The following KCNQ1 variants were observed in gnomAD, a reference collection of about 807,000 sequenced individuals.
KCNQ1 encodes the protein potassium voltage-gated channel subfamily Q member 1, also known as potassium voltage-gated channel subfamily KQT member 1.
In KCNQ1, 49 loss-of-function variants were observed where a neutral mutation model predicts 72.4. That is an observed-to-expected ratio of 0.68 (90% CI 0.54 to 0.86). The LOEUF (loss-of-function observed/expected upper bound fraction) is 0.86. Ranked by LOEUF, KCNQ1 falls within the 40% of genes least tolerant of loss-of-function variation. The pLI, the probability that KCNQ1 is intolerant of heterozygous loss-of-function variation, is 0.00. For synonymous variants in KCNQ1, 450 were observed against 412.6 expected (o/e 1.09, Z -1.10); for missense variants, 790 against 945.1 (o/e 0.84, Z 2.15).
At chr11:2,655,793 A>T in intron 10 of KCNQ1, 1 of 398,486 alleles carries the variant, frequency 2.5e-6, no homozygotes, top group Non-Finnish European at 4.4e-6. Context: ...TGGTGGAGAA[A>T]GCACGCCCCA....
rs546184864 is a variant in KCNQ1 at position 2,792,824 on chromosome 11, C to A, written c.1794+14787C>A. ...TGGCTTTGGCAGCATTGTTCTTGCA[C>A]GTTCAGGATTAGCCGAGTAAGGTGA... On this transcript the variant is annotated intron_variant, in intron 15 of 15. Transcript: ENST00000155840. Among the ~76,000 whole-genome samples, 3 of 152,322 alleles carry A rather than the reference C, an allele frequency of 2.0e-5. No individual in the cohort carries two copies. In the South Asian group the frequency reaches 6.2e-4, roughly 32 times the overall value.
Position 2,617,513 on chromosome 11 carries a change from A to C in KCNQ1, c.1393+28659A>C. 2.5e-6 allele frequency: 1 copy of C among 398,536 alleles called. No individual in the cohort carries two copies. Among genetic ancestry groups the C allele is most frequent in the Non-Finnish European group, 4.4e-6 (1 of 225,974 alleles). 24.7% of individuals were successfully genotyped at this position (398,536 alleles called of 1,614,324 possible). A position where few individuals can be genotyped will look rare whatever the true frequency, so the allele number is the denominator to read the frequency against. ...TATCGTGACTCATGCATATAATGCC[A>C]CAATGAATATAGGAGCGCAGATATC... is the stretch of plus-strand genomic sequence containing the variant. On this transcript the variant is annotated intron_variant, in intron 10 of 15. Transcript: ENST00000155840. The surrounding 1 kb of genome is among the most constrained non-coding windows in gnomAD (Gnocchi z 4.6).
Position 2,508,635 on chromosome 11 carries a change from A to C in KCNQ1, c.387-19293A>C, listed in dbSNP as rs1253975982. Among the ~76,000 whole-genome samples, 2 of 152,180 alleles carry C rather than the reference A, an allele frequency of 1.3e-5. No homozygotes were observed. Among genetic ancestry groups the C allele is most frequent in the Admixed American group, 1.3e-4 (2 of 15,282 alleles). On this transcript the variant is annotated intron_variant, in intron 1 of 15. Coordinates refer to ENST00000155840, the MANE Select transcript of KCNQ1 (RefSeq NM_000218.3). This position sits in a 1 kb window ranked among gnomAD's most constrained non-coding sequence, Gnocchi z 6.2. ...CTAGCAGGTGGGCTTCTCAGAGCACAGAGGGTGTGGGTGACCCAGATATCC... is the reference window on the plus strand; with the variant it reads ...CTAGCAGGTGGGCTTCTCAGAGCACCGAGGGTGTGGGTGACCCAGATATCC...
intron 6 of KCNQ1, among the ~76,000 whole-genome samples, chr11:2,577,574 C>T (rs1408071107): frequency 2.6e-5 from 4 of 152,182 alleles, no homozygotes; most frequent in African/African-American, 9.6e-5. Flanking sequence ...GAGGCCTGGC[C>T]CTCGTGAATT....
Position 2,617,563 on chromosome 11 carries a change from C to A in KCNQ1, c.1393+28709C>A, listed in dbSNP as rs1266127965. ...CTTTATGAGGTGGAGATTTCATTTT[C>A]TTTGGGAATATACCTAGAAGAGGGA... is the stretch of plus-strand genomic sequence containing the variant. On this transcript the variant is annotated intron_variant, in intron 10 of 15. Coordinates refer to ENST00000155840, the MANE Select transcript of KCNQ1 (RefSeq NM_000218.3). This position sits in a 1 kb window ranked among gnomAD's most constrained non-coding sequence, Gnocchi z 4.6. 4.8e-5 allele frequency: 19 copies of A among 398,274 alleles called. No individual in the cohort carries two copies. The highest frequency in any genetic ancestry group is 8.8e-5 in the Admixed American group (2 of 22,700). 24.7% of individuals were successfully genotyped at this position (398,274 alleles called of 1,614,324 possible).
At chr11:2,823,944 A>G (rs1847788710) in intron 15 of KCNQ1, among the ~76,000 whole-genome samples, 1 of 152,170 alleles carries the variant, frequency 6.6e-6, no homozygotes. Context: ...AAGTCGAGAA[A>G]CCATGTGGCC....
intron 15 of KCNQ1, among the ~76,000 whole-genome samples, chr11:2,801,790 T>C (rs545082897): frequency 2.6e-4 from 40 of 152,162 alleles, no homozygotes; most frequent in Non-Finnish European, 5.7e-4. Context: ...GAGAGCTTGT[T>C]GCGGGGGTGT....
rs565671052 is a variant in KCNQ1, at chr11:2,827,503, C to T, written c.1795-20264C>T. On this transcript the variant is annotated intron_variant, in intron 15 of 15. Transcript: ENST00000155840. The surrounding 1 kb of genome is among the most constrained non-coding windows in gnomAD (Gnocchi z 6.7). ...CCTACACAGAAGCGGCCCACGTCAT[C>T]CCCCTTTCTGTCCACCCGCCGGAAT... Among the ~76,000 whole-genome samples the T allele has an allele frequency of 6.6e-6, 1 of 152,234 alleles. No homozygotes were observed. Among genetic ancestry groups the T allele is most frequent in the East Asian group, 1.9e-4 (1 of 5,176 alleles).
chr11:2,552,278 T>C (rs1043971489), intron 2 of KCNQ1, among the ~76,000 whole-genome samples: 3 of 152,250 alleles, frequency 2.0e-5, no homozygotes, highest in African/African-American at 7.2e-5. Context: ...ATTTTATATA[T>C]GGTGACAGGT....
chr11:2,805,197 G>T (rs1433896113), intron 15 of KCNQ1, among the ~76,000 whole-genome samples: 1 of 152,186 alleles, frequency 6.6e-6, no homozygotes, highest in South Asian at 2.1e-4. Context: ...AGACGCAGGG[G>T]TGGTTCACAG....
chr11:2,696,960 A>T (rs1850687215), intron 11 of KCNQ1: 1 of 398,466 alleles, frequency 2.5e-6, no homozygotes, highest in Non-Finnish European at 4.4e-6. Flanking sequence ...TTAGTTGTTA[A>T]GTTCCTTAAT....
chr11:2,729,939 G>A (rs1845825028), intron 11 of KCNQ1, among the ~76,000 whole-genome samples: 1 of 152,168 alleles, frequency 6.6e-6, no homozygotes, highest in Admixed American at 6.5e-5. Context: ...ATGGTGTCAG[G>A]GCTAAGAGCA....
At chr11:2,705,402 G>A (rs1430138100) in intron 11 of KCNQ1, among the ~76,000 whole-genome samples, 2 of 152,192 alleles carry the variant, frequency 1.3e-5, no homozygotes, top group African/African-American at 4.8e-5. Flanking sequence ...CTCTCCCAGA[G>A]CCCCCACTTC....
chr11:2,805,053 GTGTC>G (rs1290888842), intron 15 of KCNQ1, among the ~76,000 whole-genome samples: 3 of 152,244 alleles, frequency 2.0e-5, no homozygotes, highest in Admixed American at 6.5e-5. Context: ...ACCAGGAAGA[GTGTC>G]TGGCCATCCC....
rs541068111 is a variant in KCNQ1, at chr11:2,550,003, G to A, written c.478-20625G>A. On this transcript the variant is annotated intron_variant, in intron 2 of 15. Coordinates refer to ENST00000155840, the MANE Select transcript of KCNQ1 (RefSeq NM_000218.3). The surrounding 1 kb of genome is among the most constrained non-coding windows in gnomAD (Gnocchi z 6.0). ...GACCCAGAGACGGGGAGGCCAGGGT[G>A]CAGGGGACTGTTTGGGCCTCGAGAG... 6.6e-6 allele frequency among the ~76,000 whole-genome samples: 1 copy of A among 152,356 alleles called. No individual in the cohort carries two copies. The highest frequency in any genetic ancestry group is 2.4e-5 in the African/African-American group (1 of 41,584).
rs1293277627 is a variant in KCNQ1, at chr11:2,566,631, GGGCCTCCTT to G, written c.478-3995_478-3987del. On this transcript the variant is annotated intron_variant, in intron 2 of 15. Coordinates refer to ENST00000155840, the MANE Select transcript of KCNQ1 (RefSeq NM_000218.3). This position sits in a 1 kb window ranked among gnomAD's most constrained non-coding sequence, Gnocchi z 6.7. ...TGAAGGAGAGTGACCAGGGTAGGAG[GGGCCTCCTT>G]GTCCCTTTGGTCTGTTTGTGGTCTC... 6.6e-6 allele frequency among the ~76,000 whole-genome samples: 1 copy of G among 152,112 alleles called. No homozygotes were observed. Among genetic ancestry groups the G allele is most frequent in the Non-Finnish European group, 1.5e-5 (1 of 68,018 alleles).
intron 1 of KCNQ1, among the ~76,000 whole-genome samples, chr11:2,466,602 CG>C (rs1445765332): frequency 6.6e-6 from 1 of 152,172 alleles, no homozygotes; most frequent in Non-Finnish European, 1.5e-5. Context: ...CAGCCTTGCC[CG>C]GGGGCACAGC....
Position 2,651,350 on chromosome 11 carries a change from G to A in KCNQ1, c.1394-10611G>A, listed in dbSNP as rs1849754081. On this transcript the variant is annotated intron_variant, in intron 10 of 15. Coordinates refer to ENST00000155840, the MANE Select transcript of KCNQ1 (RefSeq NM_000218.3). This position sits in a 1 kb window ranked among gnomAD's most constrained non-coding sequence, Gnocchi z 6.1. The stretch of plus-strand genomic sequence containing the variant: ...AGTTCTACAAGCGGCTGAGAGAGCT[G>A]GGGTATTTATCTTTCACTAGTGAGT... 2.5e-6 allele frequency: 1 copy of A among 398,596 alleles called. No homozygotes were observed. Among genetic ancestry groups the A allele is most frequent in the Admixed American group, 4.4e-5 (1 of 22,724 alleles). The allele number at this position is 398,596 out of a possible 1,614,324, so 24.7% of individuals were successfully genotyped here.
rs768244286 is a variant in KCNQ1, at chr11:2,492,474, A to G, written c.387-35454A>G. 5.3e-5 allele frequency among the ~76,000 whole-genome samples: 8 copies of G among 152,100 alleles called. No individual in the cohort carries two copies. The highest frequency in any genetic ancestry group is 1.7e-4 in the African/African-American group (7 of 41,418). ...CCATCATCTAGGTTTTAAGCCCTACATGCATTAGGTATTTGTCCTAATGCT... is the reference window on the plus strand; with the variant it reads ...CCATCATCTAGGTTTTAAGCCCTACGTGCATTAGGTATTTGTCCTAATGCT... On this transcript the variant is annotated intron_variant, in intron 1 of 15. Transcript: ENST00000155840. The surrounding 1 kb of genome is among the most constrained non-coding windows in gnomAD (Gnocchi z 4.1).
Sources: gnomAD v4.1 joint callset for allele counts (sites outside exome capture counted in the v4.1 genomes callset) on GRCh38, gnomAD v4.1.1 for gene constraint, Gnocchi (gnomAD v3.1) non-coding constraint, MANE v1.5 for transcripts, NCBI Gene and HGNC (gene_info 2026-07-23, HGNC 2026-07-21) for gene names.